NLRP14: variants seen among roughly 807,000 people sequenced by gnomAD.
NLRP14 encodes the protein NACHT, LRR and PYD domains-containing protein 14.
NLRP14 carries 105 observed loss-of-function variants against 94.7 expected under a neutral mutation model. The observed-to-expected ratio is 1.11, with a 90% CI of 0.95 to 1.30. The LOEUF (loss-of-function observed/expected upper bound fraction) is 1.30. Ranked by LOEUF, NLRP14 falls within the 50% of genes most tolerant of loss-of-function variation. NLRP14 has a pLI of 0.00. For synonymous variants in NLRP14, 508 were observed against 459.9 expected (o/e 1.10, Z -1.34); for missense variants, 1,362 against 1,254.1 (o/e 1.09, Z -1.30).
intron 5 of NLRP14, 22 bp downstream of exon 5, chr11:7,046,854 T>G (rs1424572315): frequency 3.8e-6 from 6 of 1,575,854 alleles, no homozygotes; most frequent in Non-Finnish European, 4.4e-6. Flanking sequence ...ATGAGAAAAT[T>G]TAATGGAGTT....
the NLRP14 span, chr11:7,089,939 T>C: frequency 6.2e-7 from 1 of 1,612,704 alleles, no homozygotes; most frequent in African/African-American, 1.3e-5. Context: ...ACGGGGATCA[T>C]CTGAGCAGAG....
intron 1 of NLRP14, among the ~76,000 whole-genome samples, chr11:7,031,084 G>T (rs1210789195): frequency 6.6e-6 from 1 of 152,198 alleles, no homozygotes; most frequent in Non-Finnish European, 1.5e-5. Flanking sequence ...TCTCTCAGGG[G>T]AGGAGGAAGG....
chr11:7,064,582 C>G lies in NLRP14; in HGVS notation c.2975+2079C>G, dbSNP rs77193962. ...TGCCATCCCAGTGGCTAGAACTTCACCTATTCTCCAATTATCCTTTACTTG... is the reference window on the plus strand; with the variant it reads ...TGCCATCCCAGTGGCTAGAACTTCAGCTATTCTCCAATTATCCTTTACTTG... On this transcript the variant is annotated intron_variant, in intron 10 of 11. Coordinates refer to ENST00000299481, the MANE Select transcript of NLRP14 (RefSeq NM_176822.4). Among the ~76,000 whole-genome samples the G allele has an allele frequency of 5.8e-3, 879 of 152,230 alleles. 7 individuals carry two copies. Among genetic ancestry groups the G allele is most frequent in the South Asian group, 0.015 (72 of 4,822 alleles).
At chr11:7,039,984 C>T (rs35285106) in intron 3 of NLRP14, among the ~76,000 whole-genome samples, 199 bp downstream of exon 3, 1 of 152,166 alleles carries the variant, frequency 6.6e-6, no homozygotes, top group Non-Finnish European at 1.5e-5. Flanking sequence ...AATTCAGATC[C>T]TCAAGAGAAC....
chr11:7,023,499 T>C (rs914091436), intron 1 of NLRP14, among the ~76,000 whole-genome samples: 1 of 140,294 alleles, frequency 7.1e-6, no homozygotes, highest in African/African-American at 2.5e-5. Flanking sequence ...TATAAATATA[T>C]AAAAATTTAT....
chr11:7,054,591 T>A (rs1006769824), intron 6 of NLRP14, among the ~76,000 whole-genome samples: 1 of 152,168 alleles, frequency 6.6e-6, no homozygotes, highest in Non-Finnish European at 1.5e-5. Flanking sequence ...GCCATTTGTG[T>A]GTCTTCTTTT....
chr11:7,071,545 G>C (rs1301350064), downstream of NLRP14, among the ~76,000 whole-genome samples: 7 of 37,730 alleles, frequency 1.9e-4, 2 homozygotes, highest in Admixed American at 1.6e-3. Context: ...GTTTTTAATT[G>C]GATACAGAGC....
At chr11:7,033,946 C>T (rs900862407) in intron 1 of NLRP14, among the ~76,000 whole-genome samples, 1 of 152,150 alleles carries the variant, frequency 6.6e-6, no homozygotes, top group Non-Finnish European at 1.5e-5. Flanking sequence ...ATAGCACATA[C>T]GATCACAATG....
intron 10 of NLRP14, among the ~76,000 whole-genome samples, chr11:7,069,168 A>T (rs1852752429): frequency 6.6e-6 from 1 of 152,204 alleles, no homozygotes; most frequent in South Asian, 2.1e-4. Flanking sequence ...TTTCCTGATG[A>T]ATTCATGATA....
Position 7,046,841 on chromosome 11 carries a change from G to T in NLRP14, c.2123+9G>T. 5 of 1,604,664 alleles carry T rather than the reference G, an allele frequency of 3.1e-6. No homozygotes were observed. Among genetic ancestry groups the T allele is most frequent in the African/African-American group, 1.3e-5 (1 of 74,840 alleles). ...AAACTACAAAAGCTACTGTAAGTCT[G>T]GTATGAGAAAATTTAATGGAGTTAT... On this transcript the variant is annotated intron_variant, in intron 5 of 11. Transcript: ENST00000299481.
At chr11:7,080,156 T>G in the NLRP14 span, among the ~76,000 whole-genome samples, 1 of 152,174 alleles carries the variant, frequency 6.6e-6, no homozygotes, top group African/African-American at 2.4e-5. Flanking sequence ...GGCAACTGTT[T>G]AGGTATCCTG....
At chr11:7,049,877 A>T (rs770269142) in intron 6 of NLRP14, 39 bp downstream of exon 6, 1 of 1,563,768 alleles carries the variant, frequency 6.4e-7, no homozygotes, top group East Asian at 2.2e-5. Context: ...TGTTTTTATA[A>T]TTGAGGCTTT....
At chr11:7,065,606 C>A (rs1257368131) in intron 10 of NLRP14, among the ~76,000 whole-genome samples, 2 of 151,898 alleles carry the variant, frequency 1.3e-5, no homozygotes, top group East Asian at 3.9e-4. Flanking sequence ...GGATAATGAA[C>A]TTTCATATGT....
chr11:7,079,631 T>C, the NLRP14 span, among the ~76,000 whole-genome samples: 2 of 152,224 alleles, frequency 1.3e-5, no homozygotes, highest in African/African-American at 4.8e-5. Flanking sequence ...TTGGCTTGTG[T>C]TGGAAACAAA....
intron 10 of NLRP14, among the ~76,000 whole-genome samples, chr11:7,068,194 CTG>C (rs1341630798): frequency 2.0e-5 from 3 of 152,086 alleles, no homozygotes; most frequent in Admixed American, 2.0e-4. Flanking sequence ...TTGATCCACT[CTG>C]TTGTACATCT....
chr11:7,033,434 G>A (rs1252638006), intron 1 of NLRP14, among the ~76,000 whole-genome samples: 1 of 152,128 alleles, frequency 6.6e-6, no homozygotes, highest in Non-Finnish European at 1.5e-5. Context: ...AAGACAATAA[G>A]GCAATTAAGT....
intron 5 of NLRP14, 75 bp downstream of exon 5, chr11:7,046,907 T>G: frequency 9.2e-7 from 1 of 1,090,934 alleles, no homozygotes; most frequent in Non-Finnish European, 1.4e-6. Flanking sequence ...TCATACTCGT[T>G]AGGGGAAGCC....
At position 7,071,222 on chromosome 11, in the gene NLRP14, G is replaced by T; in HGVS notation, c.3196G>T (p.Val1066Leu). The T allele has an allele frequency of 1.2e-6, 2 of 1,613,744 alleles. No homozygotes were observed. Among genetic ancestry groups the T allele is most frequent in the African/African-American group, 2.7e-5 (2 of 74,966 alleles). Reference sequence around the variant, plus strand: ...GGAAGCCCAGAAGCTGCTGGAAGCTGTGGGAGTTAGCAATCCACACTTAAT... The same window carrying T: ...GGAAGCCCAGAAGCTGCTGGAAGCTTTGGGAGTTAGCAATCCACACTTAAT... ...DEEAQKLLEA[V>L]GVSNPHLIIK... The change falls in exon 12 of 12, where the codon GTG becomes TTG. Residue 1066 changes from valine to leucine, a missense_variant. By Grantham distance (32) the Val-to-Leu change is conservative. Coordinates refer to ENST00000299481, the MANE Select transcript of NLRP14 (RefSeq NM_176822.4).
chr11:7,068,310 T>A (rs935826838), intron 10 of NLRP14, among the ~76,000 whole-genome samples: 2 of 152,192 alleles, frequency 1.3e-5, no homozygotes, highest in African/African-American at 2.4e-5. Context: ...TGCTTAGACA[T>A]ACATATTCCC....
Sources: allele counts gnomAD v4.1 joint callset (sites outside exome capture counted in the v4.1 genomes callset), GRCh38; gene constraint gnomAD v4.1.1; transcripts MANE v1.5; gene names NCBI Gene and HGNC (gene_info 2026-07-23, HGNC 2026-07-21).